Variants in MAP7D2 observed in about 807,000 individuals in gnomAD.
MAP7D2 encodes the protein MAP7 domain-containing protein 2.
In MAP7D2, 33 loss-of-function variants were observed where a neutral mutation model predicts 63.5. The observed-to-expected ratio is 0.52, with a 90% CI of 0.39 to 0.70. The LOEUF (loss-of-function observed/expected upper bound fraction) is 0.70, where lower values mean the gene tolerates loss of function less well. Among genes scored for constraint, MAP7D2 ranks in the 30% least tolerant of loss-of-function variants. The pLI is 0.00. For missense variants in MAP7D2, 626 were observed against 604.0 expected (o/e 1.04, Z -0.38); for synonymous variants, 224 against 223.7 (o/e 1.00, Z -0.01).
intron 1 of MAP7D2, among the ~76,000 whole-genome samples, chrX:20,102,141 C>T (rs947537572): frequency 1.8e-5 from 2 of 111,861 alleles, no homozygotes; most frequent in African/African-American, 6.5e-5. Context: ...TGGTTGTATA[C>T]ATAATCAGAC....
At chrX:20,084,664 G>A (rs756140649) in intron 1 of MAP7D2, among the ~76,000 whole-genome samples, 6 of 107,438 alleles carry the variant, frequency 5.6e-5, no homozygotes, top group South Asian at 8.4e-4. Flanking sequence ...CGCCTCCCTG[G>A]TTCAAGCAAT....
intron 1 of MAP7D2, among the ~76,000 whole-genome samples, chrX:20,092,462 C>T (rs2066095878): frequency 1.8e-5 from 2 of 111,557 alleles, no homozygotes; most frequent in African/African-American, 6.5e-5. Context: ...CCTTGTAAGA[C>T]CAGGAATGTA....
chrX:20,053,179 G>T (rs747200086), intron 4 of MAP7D2, among the ~76,000 whole-genome samples, 191 bp from the exon 5 acceptor site: 84 of 112,278 alleles, frequency 7.5e-4, no homozygotes, highest in Middle Eastern at 4.6e-3. Context: ...GCAGCCCTTG[G>T]TCTGCAGCAA....
At chrX:20,058,447 C>G (rs2065120403) in intron 3 of MAP7D2, among the ~76,000 whole-genome samples, 1 of 112,205 alleles carries the variant, frequency 8.9e-6, no homozygotes, top group African/African-American at 3.2e-5. Context: ...GGTCCCTTCT[C>G]TACTAGGGGA....
At chrX:20,107,027 T>G (rs1283336609) in intron 1 of MAP7D2, among the ~76,000 whole-genome samples, 2 of 109,448 alleles carry the variant, frequency 1.8e-5, no homozygotes, top group Non-Finnish European at 3.8e-5. Context: ...CTGATGAACT[T>G]TGGAGGTTTA....
intron 1 of MAP7D2, among the ~76,000 whole-genome samples, chrX:20,104,204 G>C (rs2066507450): frequency 8.9e-6 from 1 of 112,491 alleles, no homozygotes; most frequent in Admixed American, 9.4e-5. Flanking sequence ...AAAATCAAGT[G>C]AAGTGGAAAT....
chrX:20,079,988 A>G (rs1477427777), intron 1 of MAP7D2, among the ~76,000 whole-genome samples: 3 of 111,813 alleles, frequency 2.7e-5, no homozygotes, highest in African/African-American at 9.7e-5. Flanking sequence ...GCGAAGGAAG[A>G]CATAGTCTAG....
chrX:20,086,192 T>G (rs1345292665), intron 1 of MAP7D2, among the ~76,000 whole-genome samples: 3 of 112,060 alleles, frequency 2.7e-5, no homozygotes, highest in Non-Finnish European at 5.6e-5. Context: ...GCCTTCTCAC[T>G]GTCCTTTCCT....
chrX:20,056,612 C>T, intron 4 of MAP7D2, 68 bp downstream of exon 4: 1 of 923,875 alleles, frequency 1.1e-6, no homozygotes. Context: ...CAGTGGTGCC[C>T]ATAATCCCCT....
At chrX:20,101,055 A>G (rs192169473) in intron 1 of MAP7D2, among the ~76,000 whole-genome samples, 2 of 110,842 alleles carry the variant, frequency 1.8e-5, no homozygotes, top group East Asian at 5.6e-4. Flanking sequence ...CAAAAAAAGA[A>G]GTTGGAAAGG....
chrX:20,057,996 T>C (rs1161781860), intron 3 of MAP7D2, among the ~76,000 whole-genome samples: 2 of 112,624 alleles, frequency 1.8e-5, no homozygotes, highest in East Asian at 5.5e-4. Flanking sequence ...CTACATAATT[T>C]TTCTCTGAAT....
intron 8 of MAP7D2, among the ~76,000 whole-genome samples, chrX:20,033,247 T>C (rs1241426960): frequency 8.9e-6 from 1 of 112,483 alleles, no homozygotes; most frequent in Non-Finnish European, 1.9e-5. Flanking sequence ...TTGGGGGCTT[T>C]GTAACAGCAG....
In MAP7D2 at chrX:20,036,517, T is replaced by C. The variant is rs1053850689; in HGVS notation, c.1007+5985A>G. On this transcript the variant is annotated intron_variant, in intron 8 of 16. Coordinates refer to ENST00000379643, the MANE Select transcript of MAP7D2 (RefSeq NM_001168465.2). The stretch of plus-strand genomic sequence containing the variant: ...TTGGCCTCTCAAAGTGCTGGGACTA[T>C]AGGTGTGAGCCACCGCGCCTGGCCT... Among the ~76,000 whole-genome samples, 5 of 106,077 alleles carry C rather than the reference T, an allele frequency of 4.7e-5. No homozygotes were observed. The East Asian group carries it at 1.5e-3, about 33-fold the overall frequency. 92.1% of individuals were successfully genotyped at this position (106,077 alleles called of 115,157 possible). A position where few individuals can be genotyped will look rare whatever the true frequency, so the allele number is the denominator to read the frequency against.
At chrX:20,038,958 G>A in intron 8 of MAP7D2, among the ~76,000 whole-genome samples, 1 of 112,039 alleles carries the variant, frequency 8.9e-6, no homozygotes, top group Non-Finnish European at 1.9e-5. Context: ...AACTACAAGA[G>A]CCCAATCCTG....
intron 8 of MAP7D2, among the ~76,000 whole-genome samples, chrX:20,041,662 T>C (rs943143760): frequency 1.8e-5 from 2 of 112,469 alleles, no homozygotes; most frequent in Non-Finnish European, 3.8e-5. Context: ...AAAACTTTCC[T>C]ATATTCCCAA....
At chrX:20,030,298 G>A (rs993502407) in intron 8 of MAP7D2, among the ~76,000 whole-genome samples, 1 of 111,846 alleles carries the variant, frequency 8.9e-6, no homozygotes, top group Non-Finnish European at 1.9e-5. Context: ...AAACAGACAA[G>A]AGTACCAGGG....
intron 7 of MAP7D2, 148 bp from the exon 8 acceptor site, chrX:20,042,777 G>A: frequency 1.4e-6 from 1 of 705,438 alleles, no homozygotes; most frequent in Non-Finnish European, 2.1e-6. Context: ...CATCTTTGCG[G>A]GGAGGCAGGA....
At chrX:20,077,086 G>A (rs193005141) in intron 1 of MAP7D2, among the ~76,000 whole-genome samples, 123 of 112,045 alleles carry the variant, frequency 1.1e-3, no homozygotes, top group African/African-American at 3.8e-3. Context: ...CCTGACCCCC[G>A]ACTCCAAAAC....
chrX:20,062,488 AAAAG>A (rs1355208088), intron 3 of MAP7D2, among the ~76,000 whole-genome samples: 1 of 111,607 alleles, frequency 9.0e-6, no homozygotes, highest in East Asian at 2.8e-4. Flanking sequence ...CTTTAAAAAA[AAAAG>A]AAGGAAGGGG....
Sources: gnomAD v4.1 joint callset for allele counts (sites outside exome capture counted in the v4.1 genomes callset) on GRCh38, gnomAD v4.1.1 for gene constraint, MANE v1.5 for transcripts, NCBI Gene and HGNC (gene_info 2026-07-23, HGNC 2026-07-21) for gene names.